The following ZRANB3 variants were observed in gnomAD, a reference collection of about 807,000 sequenced individuals.
ZRANB3 encodes the protein DNA annealing helicase and endonuclease ZRANB3.
ZRANB3 carries 125 observed loss-of-function variants against 133.8 expected under a neutral mutation model. That is an observed-to-expected ratio of 0.93 (90% confidence interval 0.81 to 1.08). The LOEUF is 1.08. Among genes scored for constraint, ZRANB3 ranks in the 50% least tolerant of loss-of-function variants. The pLI is 0.00. For missense variants in ZRANB3, 1,229 were observed against 1,275.5 expected (o/e 0.96, Z 0.56); for synonymous variants, 387 against 432.7 (o/e 0.89, Z 1.31).
chr2:135,418,243 G>A (rs1688676786), intron 2 of ZRANB3, among the ~76,000 whole-genome samples: 1 of 152,138 alleles, frequency 6.6e-6, no homozygotes, highest in African/African-American at 2.4e-5. Flanking sequence ...AAGTATATGG[G>A]AAGACATATG....
chr2:135,239,495 A>T (rs1266180130), intron 12 of ZRANB3, among the ~76,000 whole-genome samples: 3 of 152,040 alleles, frequency 2.0e-5, no homozygotes, highest in African/African-American at 7.3e-5. Flanking sequence ...ACATGTTATC[A>T]TAGGGAAAAA....
chr2:135,330,705 C>T (rs962267383), intron 6 of ZRANB3, among the ~76,000 whole-genome samples: 2 of 151,306 alleles, frequency 1.3e-5, no homozygotes, highest in African/African-American at 4.9e-5. Context: ...GGTTAGCAGG[C>T]TATTTTTGCC....
chr2:135,355,877 C>A (rs1685409265), intron 3 of ZRANB3, among the ~76,000 whole-genome samples: 1 of 152,168 alleles, frequency 6.6e-6, no homozygotes, highest in Non-Finnish European at 1.5e-5. Context: ...GAAATAGGAT[C>A]TGTTTTGCTT....
chr2:135,286,357 A>C (rs1681365317), intron 8 of ZRANB3, among the ~76,000 whole-genome samples: 1 of 152,110 alleles, frequency 6.6e-6, no homozygotes, highest in Non-Finnish European at 1.5e-5. Context: ...GGCTCACAAC[A>C]ACCTCCACAT....
In ZRANB3 at chr2:135,351,194, A is replaced by G. The variant is rs566661503; in HGVS notation, c.360-979T>C. ...AACAGAAAAGGTAGAGCTCCTAAGC[A>G]GCCAGAACCACTATGGCTACTGCAT... On this transcript the variant is annotated intron_variant, in intron 4 of 20. Transcript: ENST00000264159. 6.6e-5 allele frequency among the ~76,000 whole-genome samples: 10 copies of G among 152,176 alleles called. No individual in the cohort carries two copies. The East Asian group carries it at 1.7e-3, about 26-fold the overall frequency.
chr2:135,236,070 G>T (rs945605831), intron 12 of ZRANB3, among the ~76,000 whole-genome samples: 5 of 152,162 alleles, frequency 3.3e-5, no homozygotes, highest in Admixed American at 3.3e-4. Flanking sequence ...TCCTTAAGCC[G>T]ATAGGCAACT....
intron 2 of ZRANB3, among the ~76,000 whole-genome samples, chr2:135,482,671 G>C (rs1160773676): frequency 6.6e-6 from 1 of 152,212 alleles, no homozygotes; most frequent in Non-Finnish European, 1.5e-5. Context: ...GGAATGGTGA[G>C]AGAGGGCATC....
Position 135,438,083 on chromosome 2 carries a change from T to C in ZRANB3, c.162-47263A>G, listed in dbSNP as rs539226633. On this transcript the variant is annotated intron_variant, in intron 2 of 20. Transcript: ENST00000264159. Reference sequence around the variant, plus strand: ...TTGGACTAAATATCACCACCAATTTTCCTGGGCCTCCAGTTTGCTGTTGGC... The same window carrying C: ...TTGGACTAAATATCACCACCAATTTCCCTGGGCCTCCAGTTTGCTGTTGGC... 2.2e-4 allele frequency among the ~76,000 whole-genome samples: 34 copies of C among 152,284 alleles called. No individual in the cohort carries two copies. The South Asian group carries it at 6.0e-3, about 27-fold the overall frequency.
chr2:135,341,677 C>T (rs1684670719), intron 6 of ZRANB3, among the ~76,000 whole-genome samples: 1 of 149,632 alleles, frequency 6.7e-6, no homozygotes, highest in Non-Finnish European at 1.5e-5. Context: ...GAATTCTTTC[C>T]CCAGTAAGGA....
intron 5 of ZRANB3, among the ~76,000 whole-genome samples, chr2:135,348,072 A>T (rs1045141942): frequency 6.6e-6 from 1 of 152,110 alleles, no homozygotes; most frequent in Admixed American, 6.5e-5. Flanking sequence ...CAGCCTGGCC[A>T]ACATGGTAAA....
intron 2 of ZRANB3, among the ~76,000 whole-genome samples, chr2:135,498,867 G>A (rs1208391819): frequency 6.6e-6 from 1 of 152,084 alleles, no homozygotes; most frequent in Non-Finnish European, 1.5e-5. Flanking sequence ...AATAAATTTT[G>A]GTCAGACTGG....
At chr2:135,306,063 T>C (rs1033195329) in intron 8 of ZRANB3, among the ~76,000 whole-genome samples, 23 of 152,220 alleles carry the variant, frequency 1.5e-4, no homozygotes, top group African/African-American at 5.3e-4. Flanking sequence ...GCAGACCTTT[T>C]CAGGTTGTAT....
intron 6 of ZRANB3, among the ~76,000 whole-genome samples, chr2:135,336,615 T>A (rs1331769427): frequency 6.6e-6 from 1 of 152,174 alleles, no homozygotes. Context: ...ATGATATTAA[T>A]CTTGAAATGG....
intron 12 of ZRANB3, among the ~76,000 whole-genome samples, chr2:135,237,321 G>A (rs1399912680): frequency 6.6e-6 from 1 of 150,866 alleles, no homozygotes; most frequent in Admixed American, 6.6e-5. Context: ...GGAGAAATAG[G>A]AACACTTTTA....
intron 8 of ZRANB3, among the ~76,000 whole-genome samples, chr2:135,278,859 G>T (rs1385372258): frequency 1.3e-5 from 2 of 152,052 alleles, no homozygotes; most frequent in Non-Finnish European, 2.9e-5. Flanking sequence ...GCCAAAATTG[G>T]TAATAAGTTC....
chr2:135,517,005 C>A, intron 1 of ZRANB3, among the ~76,000 whole-genome samples: 1 of 152,006 alleles, frequency 6.6e-6, no homozygotes. Context: ...TGTCTTCACA[C>A]TTTATTTCAT....
intron 2 of ZRANB3, among the ~76,000 whole-genome samples, chr2:135,470,713 T>C (rs1006310826): frequency 3.3e-5 from 5 of 151,618 alleles, no homozygotes; most frequent in Non-Finnish European, 7.4e-5. Flanking sequence ...GAACAAAAAC[T>C]GAAGCACGGA....
At chr2:135,365,525 A>G (rs189108728) in intron 3 of ZRANB3, among the ~76,000 whole-genome samples, 4 of 152,358 alleles carry the variant, frequency 2.6e-5, no homozygotes, top group Non-Finnish European at 4.4e-5. Context: ...TAATGAACAC[A>G]GTGAAAATAT....
At chr2:135,220,158 G>A (rs780538669) in intron 15 of ZRANB3, among the ~76,000 whole-genome samples, 1 of 151,868 alleles carries the variant, frequency 6.6e-6, no homozygotes, top group Non-Finnish European at 1.5e-5. Flanking sequence ...TCCCGCCTCC[G>A]CCTCCCAAAG....
Sources: allele counts gnomAD v4.1 joint callset (sites outside exome capture counted in the v4.1 genomes callset), GRCh38; gene constraint gnomAD v4.1.1; transcripts MANE v1.5; gene names NCBI Gene and HGNC (gene_info 2026-07-23, HGNC 2026-07-21).